Variants in LRRC8C observed in about 807,000 individuals in gnomAD.
LRRC8C encodes the protein leucine rich repeat containing 8 VRAC subunit C.
LRRC8C carries 20 observed loss-of-function variants against 55.3 expected under a neutral mutation model. That is an observed-to-expected ratio of 0.36 (90% CI 0.25 to 0.53). The LOEUF is 0.53. Among genes scored for constraint, LRRC8C ranks in the 20% least tolerant of loss-of-function variants. The pLI is 0.92. For missense variants in LRRC8C, 659 were observed against 951.4 expected (o/e 0.69, Z 4.04); for synonymous variants, 376 against 360.7 (o/e 1.04, Z -0.48).
At position 89,713,677 on chromosome 1, in the gene LRRC8C, CTT is replaced by C. The variant is rs745595758; in HGVS notation, c.1109_1110del (p.Phe370CysfsTer11). 73 of 1,614,062 alleles carry C rather than the reference CTT, an allele frequency of 4.5e-5. No homozygotes were observed. The highest frequency in any genetic ancestry group is 5.9e-5 in the Non-Finnish European group (70 of 1,180,036). ...IDDIPDVKND[F>X]AFMLHMIDQY... is the part of the protein sequence containing the mutation. ...ATGATATTCCAGATGTGAAAAATGACTTTGCTTTTATGCTTCATATGATAGAT... is the reference window on the plus strand; with the variant it reads ...ATGATATTCCAGATGTGAAAAATGACTGCTTTTATGCTTCATATGATAGAT... On this transcript the variant is annotated frameshift_variant, in exon 3 of 3. Transcript: ENST00000370454. LOFTEE classifies it high-confidence loss of function. This position sits in a 1 kb window ranked among gnomAD's most constrained non-coding sequence, Gnocchi z 5.2.
intron 2 of LRRC8C, among the ~76,000 whole-genome samples, chr1:89,701,590 C>A (rs181299078): frequency 1.3e-5 from 2 of 152,084 alleles, no homozygotes; most frequent in African/African-American, 4.8e-5. Flanking sequence ...AGAAATTCGG[C>A]CTTTCTGGTG....
chr1:89,685,762 CT>C (rs1657861426), intron 1 of LRRC8C, among the ~76,000 whole-genome samples: 1 of 152,018 alleles, frequency 6.6e-6, no homozygotes, highest in Admixed American at 6.5e-5. Flanking sequence ...GAACTGTTGT[CT>C]CAGCGGAGAA....
intron 2 of LRRC8C, among the ~76,000 whole-genome samples, chr1:89,702,197 G>A (rs1413165019): frequency 6.6e-6 from 1 of 151,888 alleles, no homozygotes; most frequent in African/African-American, 2.4e-5. Context: ...GTGGACTCTG[G>A]GGGGCTGGGG....
intron 2 of LRRC8C, among the ~76,000 whole-genome samples, chr1:89,693,436 C>G (rs986430088): frequency 6.6e-6 from 1 of 152,044 alleles, no homozygotes; most frequent in African/African-American, 2.4e-5. Context: ...TCTACTCCCC[C>G]CATGCAGTCA....
intron 2 of LRRC8C, among the ~76,000 whole-genome samples, chr1:89,706,739 T>A (rs537630497): frequency 6.6e-6 from 1 of 152,276 alleles, no homozygotes; most frequent in South Asian, 2.1e-4. Flanking sequence ...GTTTCTTTTT[T>A]AAGGAAGCTT....
intron 1 of LRRC8C, among the ~76,000 whole-genome samples, chr1:89,639,708 C>T (rs896296288): frequency 3.3e-5 from 5 of 152,218 alleles, no homozygotes; most frequent in South Asian, 4.1e-4. Flanking sequence ...ATATCTACAG[C>T]ACTTGCAAAG....
Position 89,719,341 on chromosome 1 carries a change from C to T in LRRC8C, c.*4359C>T, listed in dbSNP as rs1270686327. 6.6e-6 allele frequency: 1 copy of T among 152,090 alleles called. No homozygotes were observed. Among genetic ancestry groups the T allele is most frequent in the Non-Finnish European group, 1.5e-5 (1 of 68,022 alleles). 9.4% of individuals were successfully genotyped at this position (152,090 alleles called of 1,614,324 possible). A position where few individuals can be genotyped will look rare whatever the true frequency, so the allele number is the denominator to read the frequency against. ...GCTCAAACTCCATGACTTACGTGCT[C>T]ACTAAGTTTTCTTTTTTCCCCTTGT... On this transcript the variant is annotated 3_prime_UTR_variant, in exon 3 of 3. Transcript: ENST00000370454.
chr1:89,647,549 T>A (rs1656649663), intron 1 of LRRC8C, among the ~76,000 whole-genome samples: 1 of 152,194 alleles, frequency 6.6e-6, no homozygotes, highest in Non-Finnish European at 1.5e-5. Flanking sequence ...GACTTGCCGC[T>A]TCTGAAAGAA....
intron 1 of LRRC8C, among the ~76,000 whole-genome samples, chr1:89,645,508 A>G (rs1476601748): frequency 2.0e-5 from 3 of 152,212 alleles, no homozygotes; most frequent in African/African-American, 7.2e-5. Context: ...CAACTTACCA[A>G]TCTGAAAAGC....
rs1009644796 is a variant in LRRC8C, at chr1:89,714,005, G to A, written c.1435G>A (p.Val479Ile). The A allele has an allele frequency of 1.2e-6, 2 of 1,613,168 alleles. No individual in the cohort carries two copies. Among genetic ancestry groups the A allele is most frequent in the African/African-American group, 1.3e-5 (1 of 74,892 alleles). Residue 479 changes from valine (V) to isoleucine (I), a missense_variant, in exon 3 of 3, where the codon GTC (valine) becomes ATC (isoleucine). Physicochemically the swap from Val to Ile is conservative, Grantham distance 29. Transcript: ENST00000370454. The surrounding 1 kb of genome is among the most constrained non-coding windows in gnomAD (Gnocchi z 4.6). Reference protein sequence around the residue: ...LQELSLHQCSVKIHSAALSFL... With the variant: ...LQELSLHQCSIKIHSAALSFL... ...AGAGCTCTCTCTGCACCAGTGTTCT[G>A]TCAAAATCCACAGTGCGGCGCTCTC...
At chr1:89,617,652 C>G in the LRRC8C span, among the ~76,000 whole-genome samples, 4 of 152,140 alleles carry the variant, frequency 2.6e-5, no homozygotes, top group Non-Finnish European at 5.9e-5. Flanking sequence ...CCAGAATTGG[C>G]ACAGATTAAG....
intron 2 of LRRC8C, among the ~76,000 whole-genome samples, chr1:89,703,643 A>G (rs998479853): frequency 6.6e-6 from 1 of 152,028 alleles, no homozygotes; most frequent in African/African-American, 2.4e-5. Flanking sequence ...TATTCTTGGA[A>G]GTGGTGTGGA....
In LRRC8C at chr1:89,676,731, C is replaced by T. The variant is rs939185452; in HGVS notation, c.-4-9739C>T. Among the ~76,000 whole-genome samples, 24 of 152,288 alleles carry T rather than the reference C, an allele frequency of 1.6e-4. 2 individuals carry two copies. Among genetic ancestry groups the T allele is most frequent in the Admixed American group, 9.2e-4 (14 of 15,298 alleles). Reference sequence around the variant, plus strand: ...TGGTAAAATAAAAATACTGTAACAACGTCTTTAAATGCACCATTGGCACAG... The same window carrying T: ...TGGTAAAATAAAAATACTGTAACAATGTCTTTAAATGCACCATTGGCACAG... On this transcript the variant is annotated intron_variant, in intron 1 of 2. Coordinates refer to ENST00000370454, the MANE Select transcript of LRRC8C (RefSeq NM_032270.5).
chr1:89,650,056 G>GT (rs1190806084), intron 1 of LRRC8C, among the ~76,000 whole-genome samples: 1 of 152,116 alleles, frequency 6.6e-6, no homozygotes, highest in Admixed American at 6.5e-5. Flanking sequence ...ATAGAACACT[G>GT]TAAGTAACTG....
rs1050802931 is a variant in LRRC8C, at chr1:89,693,320, G to A, written c.138+6709G>A. Among the ~76,000 whole-genome samples, 7 of 152,202 alleles carry A rather than the reference G, an allele frequency of 4.6e-5. No individual in the cohort carries two copies. The South Asian group carries it at 1.4e-3, about 31-fold the overall frequency. On this transcript the variant is annotated intron_variant, in intron 2 of 2. Transcript: ENST00000370454. The stretch of plus-strand genomic sequence containing the variant: ...GCTCCATGACAAATGACCTTCAGGT[G>A]AAAATGCTCATAGGCAGTTCACTGG...
chr1:89,636,310 A>G (rs1435376111), intron 1 of LRRC8C, among the ~76,000 whole-genome samples: 1 of 152,192 alleles, frequency 6.6e-6, no homozygotes, highest in African/African-American at 2.4e-5. Context: ...TTTTACATGC[A>G]CGTAGTGATT....
chr1:89,655,067 A>C (rs748184688), intron 1 of LRRC8C, among the ~76,000 whole-genome samples: 3 of 148,860 alleles, frequency 2.0e-5, no homozygotes, highest in Non-Finnish European at 4.5e-5. Flanking sequence ...TTTTTCTTGC[A>C]CTCTCTTCTT....
intron 1 of LRRC8C, among the ~76,000 whole-genome samples, chr1:89,634,578 A>C (rs1656226345): frequency 6.6e-6 from 1 of 152,238 alleles, no homozygotes; most frequent in South Asian, 2.1e-4. Context: ...AAAGTGGAGT[A>C]GTCCTCTTGG....
intron 1 of LRRC8C, among the ~76,000 whole-genome samples, chr1:89,669,372 T>G (rs1420216062): frequency 1.3e-5 from 2 of 152,176 alleles, no homozygotes; most frequent in Non-Finnish European, 2.9e-5. Flanking sequence ...TACAACATTG[T>G]ACCTATAGTT....
Sources: allele counts gnomAD v4.1 joint callset (sites outside exome capture counted in the v4.1 genomes callset), GRCh38; gene constraint gnomAD v4.1.1; non-coding constraint Gnocchi (gnomAD v3.1); transcripts MANE v1.5; gene names NCBI Gene and HGNC (gene_info 2026-07-23, HGNC 2026-07-21).